DCTN6: variants seen among roughly 807,000 people sequenced by gnomAD.
DCTN6 encodes dynactin 6.
A neutral mutation model predicts 25.8 loss-of-function variants in DCTN6; 15 were observed. That is an observed-to-expected ratio of 0.58 (90% confidence interval 0.39 to 0.89). DCTN6 has a LOEUF of 0.89. DCTN6 is among the 40% of genes least tolerant of loss of function. DCTN6 has a pLI of 0.00. For synonymous variants in DCTN6, 64 were observed against 78.3 expected (o/e 0.82, Z 0.96); for missense variants, 198 against 237.6 (o/e 0.83, Z 1.09).
At chr8:30,178,381 T>G (rs2117598028) in intron 4 of DCTN6, among the ~76,000 whole-genome samples, 3 of 151,566 alleles carry the variant, frequency 2.0e-5, no homozygotes, top group Admixed American at 2.0e-4. Flanking sequence ...GAGAATCACT[T>G]GAACCCAGGA....
intron 1 of DCTN6, 102 bp from the exon 2 acceptor site, chr8:30,164,008 TC>T: frequency 9.0e-7 from 1 of 1,108,366 alleles, no homozygotes; most frequent in Non-Finnish European, 1.4e-6. Flanking sequence ...GGCCTTTTTT[TC>T]CATCATTTTT....
At chr8:30,172,877 T>C (rs1205031089) in intron 2 of DCTN6, among the ~76,000 whole-genome samples, 1 of 152,214 alleles carries the variant, frequency 6.6e-6, no homozygotes, top group Non-Finnish European at 1.5e-5. Flanking sequence ...TATATGTATC[T>C]ATGTGAATAT....
At position 30,183,173 on chromosome 8, in the gene DCTN6, A is replaced by G. The variant is rs1333770349; in HGVS notation, c.573A>G (p.Ter191=). ...MKGSSTPVKN[*] ...GAAGCTCAACTCCAGTAAAGAACTA[A>G]GAACAGTGTATAACATGAAGATAAC... The change falls in exon 7 of 7, where the codon TAA becomes TAG. Residue 191 remains the stop codon, a stop_retained_variant. Transcript: ENST00000221114. 2 of 1,611,934 alleles carry G rather than the reference A, an allele frequency of 1.2e-6. No individual in the cohort carries two copies. The highest frequency in any genetic ancestry group is 1.7e-6 in the Non-Finnish European group (2 of 1,178,318).
rs1395393127 is a variant in DCTN6, at chr8:30,179,394, A to C, written c.284-14A>C. On this transcript the variant is annotated splice_polypyrimidine_tract_variant and intron_variant, in intron 4 of 6. Transcript: ENST00000221114. ...TGAACATATTTGTAGTATTTACCTAACTCTGGCTTACAGATTCCCAAGCCA... is the reference window on the plus strand; with the variant it reads ...TGAACATATTTGTAGTATTTACCTACCTCTGGCTTACAGATTCCCAAGCCA... The C allele has an allele frequency of 6.2e-7, 1 of 1,607,116 alleles. No homozygotes were observed. Among genetic ancestry groups the C allele is most frequent in the East Asian group, 2.2e-5 (1 of 44,768 alleles).
intron 6 of DCTN6, among the ~76,000 whole-genome samples, chr8:30,182,179 T>G (rs940355826): frequency 1.3e-5 from 2 of 152,226 alleles, no homozygotes; most frequent in Non-Finnish European, 2.9e-5. Context: ...TATTTTATAA[T>G]ATGCCTAAAT....
rs183652208 is a variant in DCTN6, at chr8:30,166,959, G to A, written c.88+2784G>A. Among the ~76,000 whole-genome samples the A allele has an allele frequency of 3.8e-4, 58 of 150,692 alleles. 1 individual carries two copies. The highest frequency in any genetic ancestry group is 3.4e-3 in the Middle Eastern group (1 of 292). Reference sequence around the variant, plus strand: ...ACAAAAAGAGAGAGAGAGGAAGGGAGGGAGGAAGGGAAGAAAGGAAGGAAG... The same window carrying A: ...ACAAAAAGAGAGAGAGAGGAAGGGAAGGAGGAAGGGAAGAAAGGAAGGAAG... On this transcript the variant is annotated intron_variant, in intron 2 of 6. Transcript: ENST00000221114.
intron 3 of DCTN6, among the ~76,000 whole-genome samples, chr8:30,175,741 C>CT (rs1337529992): frequency 6.6e-6 from 1 of 152,046 alleles, no homozygotes; most frequent in Non-Finnish European, 1.5e-5. Context: ...GTGAACTAGA[C>CT]TGTAATACGT....
Position 30,178,403 on chromosome 8 carries a change from C to A in DCTN6, c.284-1005C>A, listed in dbSNP as rs78723637. Among the ~76,000 whole-genome samples, 3 of 147,808 alleles carry A rather than the reference C, an allele frequency of 2.0e-5. No homozygotes were observed. In the South Asian group the frequency reaches 6.4e-4, roughly 32 times the overall value. ...ACTTGAACCCAGGAGGCGGAGATTG[C>A]GGTGAGCTGAGATCGCGCCATTGCA... On this transcript the variant is annotated intron_variant, in intron 4 of 6. Transcript: ENST00000221114.
chr8:30,179,498 T>G (rs1164017041), intron 5 of DCTN6, 43 bp downstream of exon 5: 1 of 1,556,190 alleles, frequency 6.4e-7, no homozygotes, highest in East Asian at 2.3e-5. Context: ...AGTGACCTCT[T>G]TTCTCTTTGT....
chr8:30,160,161 G>A (rs1196754672), intron 1 of DCTN6, among the ~76,000 whole-genome samples: 2 of 152,090 alleles, frequency 1.3e-5, no homozygotes, highest in African/African-American at 4.8e-5. Context: ...TGGTTTGGCT[G>A]TGTCCCCACC....
chr8:30,168,295 A>G (rs1050441423), intron 2 of DCTN6, among the ~76,000 whole-genome samples: 3 of 152,220 alleles, frequency 2.0e-5, no homozygotes, highest in African/African-American at 7.2e-5. Context: ...TAGTAATTAG[A>G]TAATCATTTT....
chr8:30,177,094 CTT>C, intron 3 of DCTN6, 30 bp from the exon 4 acceptor site: 2 of 1,565,644 alleles, frequency 1.3e-6, no homozygotes, highest in East Asian at 2.2e-5. Context: ...GTGTTATTGA[CTT>C]TTTGGATGAT....
Position 30,183,138 on chromosome 8 carries a change from A to G in DCTN6, c.538A>G (p.Thr180Ala), listed in dbSNP as rs1441354263. 4 of 1,613,964 alleles carry G rather than the reference A, an allele frequency of 2.5e-6. No homozygotes were observed. Among genetic ancestry groups the G allele is most frequent in the Non-Finnish European group, 3.4e-6 (4 of 1,179,964 alleles). ...ILPNYHHLKK[T>A]MKGSSTPVKN Reference sequence around the variant, plus strand: ...GCCAAATTACCACCACCTAAAGAAGACTATGAAAGGAAGCTCAACTCCAGT... The same window carrying G: ...GCCAAATTACCACCACCTAAAGAAGGCTATGAAAGGAAGCTCAACTCCAGT... Residue 180 changes from threonine (T) to alanine (A), a missense_variant, in exon 7 of 7, where the codon ACT becomes GCT. Coordinates refer to ENST00000221114, the MANE Select transcript of DCTN6 (RefSeq NM_006571.4).
intron 3 of DCTN6, chr8:30,176,797 G>A: frequency 4.2e-6 from 1 of 235,672 alleles, no homozygotes; most frequent in Non-Finnish European, 8.4e-6. Context: ...GCAACATGGT[G>A]AAACCCCATC....
intron 5 of DCTN6, among the ~76,000 whole-genome samples, 176 bp downstream of exon 5, chr8:30,179,631 G>A (rs781481164): frequency 6.6e-6 from 1 of 152,140 alleles, no homozygotes; most frequent in Non-Finnish European, 1.5e-5. Flanking sequence ...TGGTTATCTG[G>A]TAATGTTAAA....
In DCTN6 at chr8:30,181,226, A is replaced by T. The variant is rs561414000; in HGVS notation, c.474+596A>T. ...GTTACTCTTGGTCTCATGCATTGTC[A>T]CTGACAATGCATAAACAAACTGTAC... On this transcript the variant is annotated intron_variant, in intron 6 of 6. Coordinates refer to ENST00000221114, the MANE Select transcript of DCTN6 (RefSeq NM_006571.4). 7.2e-5 allele frequency among the ~76,000 whole-genome samples: 11 copies of T among 152,312 alleles called. No homozygotes were observed. The South Asian group carries it at 1.2e-3, about 17-fold the overall frequency.
At chr8:30,170,213 T>TTATG (rs1803745462) in intron 2 of DCTN6, among the ~76,000 whole-genome samples, 1 of 151,446 alleles carries the variant, frequency 6.6e-6, no homozygotes, top group Non-Finnish European at 1.5e-5. Context: ...AATCTAGCGG[T>TTATG]TATGTATCCT....
chr8:30,161,866 G>A (rs527506854), intron 1 of DCTN6, among the ~76,000 whole-genome samples: 3 of 150,744 alleles, frequency 2.0e-5, no homozygotes, highest in Admixed American at 6.6e-5. Context: ...TCCTGCCTCA[G>A]CCTCCCAAGT....
chr8:30,162,296 A>G (rs1363857452), intron 1 of DCTN6, among the ~76,000 whole-genome samples: 1 of 151,866 alleles, frequency 6.6e-6, no homozygotes, highest in Admixed American at 6.6e-5. Flanking sequence ...CATGTTGGCC[A>G]GGCTGGTTGG....
Sources: allele counts gnomAD v4.1 joint callset (sites outside exome capture counted in the v4.1 genomes callset), GRCh38; gene constraint gnomAD v4.1.1; transcripts MANE v1.5; gene names NCBI Gene and HGNC (gene_info 2026-07-23, HGNC 2026-07-21).